ARPP21: variants seen among roughly 807,000 people sequenced by gnomAD.
ARPP21 encodes the protein cAMP-regulated phosphoprotein 21.
A neutral mutation model predicts 113.2 loss-of-function variants in ARPP21; 69 were observed. The ratio of observed to expected loss-of-function variants is 0.61; its 90% CI spans 0.50 to 0.74. The LOEUF (loss-of-function observed/expected upper bound fraction) is 0.74. Among genes scored for constraint, ARPP21 ranks in the 30% least tolerant of loss-of-function variants. The pLI is 0.00. For synonymous variants in ARPP21, 368 were observed against 375.5 expected (o/e 0.98, Z 0.23); for missense variants, 1,070 against 1,037.4 (o/e 1.03, Z -0.43).
chr3:35,672,929 T>C (rs1443794794), intron 1 of ARPP21, among the ~76,000 whole-genome samples: 1 of 152,032 alleles, frequency 6.6e-6, no homozygotes, highest in African/African-American at 2.4e-5. Flanking sequence ...TCAAAAATTA[T>C]CCCTGTAGTA....
Position 35,709,451 on chromosome 3 carries a change from A to G in ARPP21, c.897+381A>G, listed in dbSNP as rs71327198. On this transcript the variant is annotated intron_variant, in intron 11 of 20. Coordinates refer to ENST00000684406, the MANE Select transcript of ARPP21 (RefSeq NM_001385562.1). ...ACAACATTGTACAGGGTAAAGAATT[A>G]CAAAGAAGAGAGAATCTGTTTATCT... Among the ~76,000 whole-genome samples, 753 of 152,342 alleles carry G rather than the reference A, an allele frequency of 4.9e-3. 10 individuals are homozygous for G. The highest frequency in any genetic ancestry group is 0.03 in the Admixed American group (458 of 15,298).
At chr3:35,746,932 C>T (rs912518143) in intron 19 of ARPP21, among the ~76,000 whole-genome samples, 1 of 152,170 alleles carries the variant, frequency 6.6e-6, no homozygotes, top group African/African-American at 2.4e-5. Context: ...TCCCCTGTGG[C>T]ACAGTAGGGA....
chr3:35,730,536 A>G (rs2093887440), intron 15 of ARPP21, among the ~76,000 whole-genome samples: 1 of 152,238 alleles, frequency 6.6e-6, no homozygotes, highest in Non-Finnish European at 1.5e-5. Flanking sequence ...TCCCCGGCTT[A>G]GAAAGCTTGA....
chr3:35,687,702 A>C (rs1271683426), intron 5 of ARPP21, 37 bp from the exon 6 acceptor site: 1 of 1,580,180 alleles, frequency 6.3e-7, no homozygotes, highest in Admixed American at 1.9e-5. Context: ...GAGATGATTA[A>C]ACCTGGCCCT....
rs557341825 is a variant in ARPP21 at position 35,793,946 on chromosome 3, G to C, written c.2532G>C (p.Gln844His). The C allele has an allele frequency of 6.2e-7, 1 of 1,613,336 alleles. No individual in the cohort carries two copies. The highest frequency in any genetic ancestry group is 1.3e-5 in the African/African-American group (1 of 74,918). The part of the protein sequence containing the change: ...NCASMSNAGW[Q>H]VKF ...CAAGTATGAGCAATGCTGGTTGGCA[G>C]GTCAAATTCTGAGAGCTCTGGCTGT... is the stretch of plus-strand genomic sequence containing the variant. Residue 844 changes from glutamine to histidine, a missense_variant, in exon 21 of 21, where the codon CAG (glutamine) becomes CAC (histidine). Gln to His is a conservative substitution (Grantham distance 24, BLOSUM62 0). Coordinates refer to ENST00000684406, the MANE Select transcript of ARPP21 (RefSeq NM_001385562.1).
At chr3:35,733,163 C>T (rs190907772) in intron 15 of ARPP21, among the ~76,000 whole-genome samples, 8 of 150,202 alleles carry the variant, frequency 5.3e-5, no homozygotes, top group African/African-American at 2.0e-4. Flanking sequence ...TGGTTCATTT[C>T]TTTGTGAGGA....
At chr3:35,686,263 C>T (rs947518690) in intron 5 of ARPP21, among the ~76,000 whole-genome samples, 2 of 151,672 alleles carry the variant, frequency 1.3e-5, no homozygotes, top group Middle Eastern at 3.2e-3. Context: ...ATCCCTAGAA[C>T]CTGCCTGAAC....
At chr3:35,735,901 G>A (rs771072510) in intron 15 of ARPP21, among the ~76,000 whole-genome samples, 1 of 152,004 alleles carries the variant, frequency 6.6e-6, no homozygotes, top group African/African-American at 2.4e-5. Context: ...GCCAATACTG[G>A]GTGTTACTTC....
At chr3:35,718,302 A>C (rs961797408) in intron 13 of ARPP21, among the ~76,000 whole-genome samples, 1 of 152,160 alleles carries the variant, frequency 6.6e-6, no homozygotes, top group Non-Finnish European at 1.5e-5. Context: ...TCTAGATTGA[A>C]CTATTAAGTT....
intron 11 of ARPP21, among the ~76,000 whole-genome samples, chr3:35,709,572 CA>C (rs2090379803): frequency 6.6e-6 from 1 of 151,994 alleles, no homozygotes; most frequent in Admixed American, 6.6e-5. Flanking sequence ...TCCTCAATTT[CA>C]AATCAAATCT....
chr3:35,683,451 A>C (rs1447112872), intron 4 of ARPP21, among the ~76,000 whole-genome samples: 1 of 151,704 alleles, frequency 6.6e-6, no homozygotes, highest in South Asian at 2.1e-4. Flanking sequence ...ACAGCAATTC[A>C]TTCTTCCTAT....
chr3:35,685,438 G>C, intron 5 of ARPP21: 1 of 984,956 alleles, frequency 1.0e-6, no homozygotes, highest in Non-Finnish European at 1.2e-6. Flanking sequence ...AAGTGGCCGT[G>C]CTACCTTTTT....
intron 19 of ARPP21, among the ~76,000 whole-genome samples, chr3:35,759,645 A>C (rs1290293674): frequency 7.5e-6 from 1 of 132,674 alleles, no homozygotes; most frequent in Non-Finnish European, 1.7e-5. Context: ...TCATTTTTTT[A>C]TTTTCATTTT....
At chr3:35,655,554 G>T (rs1301812277) in intron 1 of ARPP21, among the ~76,000 whole-genome samples, 3 of 151,938 alleles carry the variant, frequency 2.0e-5, no homozygotes, top group Non-Finnish European at 2.9e-5. Flanking sequence ...AGGGGTTTCT[G>T]TACACTTTAG....
intron 11 of ARPP21, 189 bp from the exon 12 acceptor site, chr3:35,715,250 G>A (rs1366061954): frequency 1.8e-6 from 1 of 557,416 alleles, no homozygotes; most frequent in Non-Finnish European, 3.2e-6. Context: ...AATACCCTAT[G>A]CTGCATGAGA....
intron 19 of ARPP21, among the ~76,000 whole-genome samples, chr3:35,747,556 T>C (rs968604450): frequency 1.3e-5 from 2 of 152,084 alleles, no homozygotes; most frequent in Non-Finnish European, 2.9e-5. Flanking sequence ...AGTGGGGAGA[T>C]GGTTTTCTTT....
Position 35,739,343 on chromosome 3 carries a change from C to T in ARPP21, c.1776C>T (p.Gly592=). The change falls in exon 18 of 21, where the codon GGC becomes GGT. Residue 592 remains glycine (G), a synonymous_variant. Coordinates refer to ENST00000684406, the MANE Select transcript of ARPP21 (RefSeq NM_001385562.1). ...GAGATGATGTGGCAACACAGTTTGG[C>T]CAGATGACCCTGAGCCGGCAGTCCT... ...PMRDDVATQF[G]QMTLSRQSSG... 6.2e-7 allele frequency: 1 copy of T among 1,614,046 alleles called. No individual in the cohort carries two copies. The highest frequency in any genetic ancestry group is 8.5e-7 in the Non-Finnish European group (1 of 1,179,984).
chr3:35,759,163 C>T (rs1015443247), intron 19 of ARPP21, among the ~76,000 whole-genome samples: 3 of 151,856 alleles, frequency 2.0e-5, no homozygotes, highest in African/African-American at 7.3e-5. Context: ...GCAAGACAAA[C>T]GTAGGTATAT....
chr3:35,726,533 C>T (rs1384580409), intron 14 of ARPP21, among the ~76,000 whole-genome samples: 1 of 152,224 alleles, frequency 6.6e-6, no homozygotes, highest in Non-Finnish European at 1.5e-5. Context: ...TTCCTTTAAC[C>T]TGTGGAATCA....
Sources: gnomAD v4.1 joint callset for allele counts (sites outside exome capture counted in the v4.1 genomes callset) on GRCh38, gnomAD v4.1.1 for gene constraint, MANE v1.5 for transcripts, NCBI Gene and HGNC (gene_info 2026-07-23, HGNC 2026-07-21) for gene names.